Variants in ITIH2 observed in about 807,000 individuals in gnomAD.
ITIH2 encodes inter-alpha-trypsin inhibitor heavy chain H2.
A neutral mutation model predicts 104.4 loss-of-function variants in ITIH2; 103 were observed. That is an observed-to-expected ratio of 0.99 (90% CI 0.84 to 1.16). ITIH2 has a LOEUF of 1.16. ITIH2 is among the 50% of genes most tolerant of loss of function. The pLI, the probability that ITIH2 is intolerant of heterozygous loss-of-function variation, is 0.00. For synonymous variants in ITIH2, 436 were observed against 435.4 expected, an observed-to-expected ratio of 1.00 and a Z score of -0.02; for missense variants, 1,108 against 1,162.4, an observed-to-expected ratio of 0.95 and a Z score of 0.68.
intron 4 of ITIH2, among the ~76,000 whole-genome samples, chr10:7,711,683 G>A (rs767346147): frequency 2.0e-5 from 3 of 152,150 alleles, no homozygotes; most frequent in Admixed American, 6.5e-5. Context: ...AAACCCACAA[G>A]TGTGCCTCAA....
At chr10:7,717,305 A>G (rs1026176952) in intron 5 of ITIH2, among the ~76,000 whole-genome samples, 1 of 152,190 alleles carries the variant, frequency 6.6e-6, no homozygotes, top group African/African-American at 2.4e-5. Context: ...TCCATATTGC[A>G]GAGCAGCTAT....
intron 3 of ITIH2, among the ~76,000 whole-genome samples, chr10:7,707,554 T>C (rs1335432390): frequency 6.6e-6 from 1 of 152,172 alleles, no homozygotes; most frequent in Non-Finnish European, 1.5e-5. Flanking sequence ...TATTTATTTT[T>C]ACGTTTTCAT....
intron 17 of ITIH2, 79 bp from the exon 18 acceptor site, chr10:7,744,003 T>A: frequency 9.6e-7 from 1 of 1,039,512 alleles, no homozygotes; most frequent in Admixed American, 3.1e-5. Flanking sequence ...GCCAAGTTTT[T>A]ATAAATTTGA....
Position 7,732,413 on chromosome 10 carries a change from G to A in ITIH2, c.1723G>A (p.Ala575Thr). The A allele has an allele frequency of 6.2e-7, 1 of 1,614,102 alleles. No individual in the cohort carries two copies. Among genetic ancestry groups the A allele is most frequent in the Non-Finnish European group, 8.5e-7 (1 of 1,180,014 alleles). ...LQDFLSKDKH[A>T]DPDFTRKLWA... ...GGATTTTCTATCGAAAGACAAGCAT[G>A]CAGATCCCGATTTCACCAGGAAACT... The change falls in exon 14 of 21, where the codon GCA becomes ACA. Residue 575 changes from alanine (A) to threonine (T), a missense_variant. Ala to Thr is a moderately conservative substitution (Grantham distance 58). Coordinates refer to ENST00000358415, the MANE Select transcript of ITIH2 (RefSeq NM_002216.3).
intron 1 of ITIH2, among the ~76,000 whole-genome samples, chr10:7,704,181 T>C (rs769847340): frequency 6.6e-6 from 1 of 152,262 alleles, no homozygotes; most frequent in Non-Finnish European, 1.5e-5. Flanking sequence ...GCTATTTTTA[T>C]GCCAGAAAAG....
intron 20 of ITIH2, among the ~76,000 whole-genome samples, chr10:7,748,954 G>A (rs966159055): frequency 2.6e-5 from 4 of 152,084 alleles, no homozygotes; most frequent in East Asian, 1.9e-4. Context: ...AGCCCATATA[G>A]GTCAACTCTA....
Position 7,744,259 on chromosome 10 carries a change from C to A in ITIH2, c.2387C>A (p.Thr796Lys), listed in dbSNP as rs758222157. The change falls in exon 18 of 21, where the codon ACG becomes AAG. Residue 796 changes from threonine (T) to lysine (K), a missense_variant. By Grantham distance (78) the Thr-to-Lys change is moderately conservative. Coordinates refer to ENST00000358415, the MANE Select transcript of ITIH2 (RefSeq NM_002216.3). ...SSTFSLSWSD[T>K]AQVTNQRVQI... ...ACATTCTCCTTGTCCTGGTCCGACA[C>A]GGCTCAAGTCACGAATCAGAGGCAA... is the stretch of plus-strand genomic sequence containing the variant. 6.2e-7 allele frequency: 1 copy of A among 1,613,860 alleles called. No individual in the cohort carries two copies. The highest frequency in any genetic ancestry group is 1.3e-5 in the African/African-American group (1 of 74,940).
chr10:7,742,196 T>C (rs1323039404), intron 16 of ITIH2, among the ~76,000 whole-genome samples: 1 of 152,100 alleles, frequency 6.6e-6, no homozygotes. Context: ...AGATTTTTTT[T>C]TTCCTTCACC....
At chr10:7,708,415 A>G (rs1365591732) in intron 3 of ITIH2, among the ~76,000 whole-genome samples, 1 of 152,222 alleles carries the variant, frequency 6.6e-6, no homozygotes. Context: ...TTGCATCAGA[A>G]TGCCCTGTCC....
At chr10:7,706,634 T>G (rs766196779) in intron 2 of ITIH2, among the ~76,000 whole-genome samples, 16 of 152,166 alleles carry the variant, frequency 1.1e-4, no homozygotes, top group Admixed American at 7.9e-4. Flanking sequence ...TGAAACAAGG[T>G]GAGCACTCTG....
At chr10:7,723,103 C>T (rs544416855) in intron 8 of ITIH2, among the ~76,000 whole-genome samples, 88 of 105,210 alleles carry the variant, frequency 8.4e-4, no homozygotes, top group African/African-American at 2.8e-3. Context: ...AGTGGAGTGG[C>T]GTGGTGTGGT....
intron 15 of ITIH2, among the ~76,000 whole-genome samples, chr10:7,736,520 T>A (rs1835056636): frequency 6.6e-6 from 1 of 152,186 alleles, no homozygotes; most frequent in Non-Finnish European, 1.5e-5. Context: ...AGTTTATACA[T>A]TTTAATTTTA....
Position 7,731,905 on chromosome 10 carries a change from A to G in ITIH2, c.1556A>G (p.His519Arg), listed in dbSNP as rs1835006371. The change falls in exon 13 of 21, where the codon CAT becomes CGT. Residue 519 changes from histidine to arginine, a missense_variant. By Grantham distance (29) the His-to-Arg change is conservative. Transcript: ENST00000358415. ...ACGGACGTCACTCAAAACAATTTCC[A>G]TAACTACTTTGGAGGCTCAGAGATT... ...SVTDVTQNNF[H>R]NYFGGSEIVV... 3.7e-6 allele frequency: 6 copies of G among 1,614,056 alleles called. No individual in the cohort carries two copies. The South Asian group carries it at 4.4e-5, about 12-fold the overall frequency.
intron 15 of ITIH2, among the ~76,000 whole-genome samples, chr10:7,738,370 C>T (rs1835091118): frequency 6.8e-6 from 1 of 146,484 alleles, no homozygotes; most frequent in African/African-American, 2.5e-5. Context: ...GGGGCCCTTC[C>T]CCGGCCCTAT....
At chr10:7,739,341 G>C (rs1350896063) in intron 16 of ITIH2, among the ~76,000 whole-genome samples, 1 of 152,176 alleles carries the variant, frequency 6.6e-6, no homozygotes, top group Non-Finnish European at 1.5e-5. Context: ...TTAGAAAAAA[G>C]TAAATTTCAA....
rs1274687269 is a variant in ITIH2 at position 7,737,691 on chromosome 10, TTC to T, written c.1958-928_1958-927del. On this transcript the variant is annotated intron_variant, in intron 15 of 20. Transcript: ENST00000358415. Reference sequence around the variant, plus strand: ...TATATTCTATATTTTCTATATTATATTCTATATAATATTCTATATTATATTCT... The same window carrying T: ...TATATTCTATATTTTCTATATTATATTATATAATATTCTATATTATATTCT... Among the ~76,000 whole-genome samples the T allele has an allele frequency of 5.0e-3, 327 of 65,844 alleles. 81 individuals carry two copies. Among genetic ancestry groups the T allele is most frequent in the Non-Finnish European group, 6.5e-3 (284 of 43,976 alleles). 43.2% of individuals were successfully genotyped at this position (65,844 alleles called of 152,430 possible).
At chr10:7,716,765 A>G (rs1274200372) in intron 5 of ITIH2, among the ~76,000 whole-genome samples, 1 of 151,014 alleles carries the variant, frequency 6.6e-6, no homozygotes, top group Non-Finnish European at 1.5e-5. Context: ...AGAGAAACAT[A>G]CTCAATTTGA....
chr10:7,729,876 T>G, intron 11 of ITIH2, 76 bp from the exon 12 acceptor site: 2 of 996,748 alleles, frequency 2.0e-6, no homozygotes, highest in Non-Finnish European at 1.5e-6. Flanking sequence ...TTTACTAAAC[T>G]GCCCTCCCTG....
chr10:7,708,956 A>G, intron 3 of ITIH2, 66 bp from the exon 4 acceptor site: 1 of 1,336,568 alleles, frequency 7.5e-7, no homozygotes, highest in Non-Finnish European at 1.1e-6. Flanking sequence ...CATCAAATGC[A>G]CTACATTTGA....
Sources: allele counts gnomAD v4.1 joint callset (sites outside exome capture counted in the v4.1 genomes callset), GRCh38; gene constraint gnomAD v4.1.1; transcripts MANE v1.5; gene names NCBI Gene and HGNC (gene_info 2026-07-23, HGNC 2026-07-21).